Variants in ACACA observed in about 807,000 individuals in gnomAD.
ACACA encodes the protein acetyl-CoA carboxylase 1.
Under a neutral mutation model 296.1 loss-of-function variants are expected in ACACA, and 103 were observed. That is an observed-to-expected ratio of 0.35 (90% CI 0.30 to 0.41). The LOEUF is 0.41. Ranked by LOEUF, ACACA falls within the 10% of genes least tolerant of loss-of-function variation. ACACA has a pLI of 1.00. For synonymous variants in ACACA, 953 were observed against 1,038.6 expected, an observed-to-expected ratio of 0.92 and a Z score of 1.58; for missense variants, 1,554 against 2,989.7, an observed-to-expected ratio of 0.52 and a Z score of 11.20.
intron 40 of ACACA, among the ~76,000 whole-genome samples, chr17:37,180,482 A>AT (rs906605928): frequency 1.3e-5 from 2 of 152,298 alleles, no homozygotes; most frequent in Admixed American, 6.5e-5. Context: ...ATATTCATAG[A>AT]TTTTTTTAAA....
chr17:37,140,956 T>C, intron 45 of ACACA: 1 of 349,714 alleles, frequency 2.9e-6, no homozygotes, highest in Non-Finnish European at 5.5e-6. Flanking sequence ...AGGAATGGTG[T>C]GGGCCTTCTT....
At chr17:37,285,431 ACAACTC>A (rs1429121413) in intron 3 of ACACA, among the ~76,000 whole-genome samples, 4 of 152,170 alleles carry the variant, frequency 2.6e-5, no homozygotes, top group Middle Eastern at 3.2e-3. Context: ...TTCAAAATCA[ACAACTC>A]CAAAACAAAA....
chr17:37,098,908 A>T (rs1035886527), intron 52 of ACACA, among the ~76,000 whole-genome samples: 5 of 152,218 alleles, frequency 3.3e-5, no homozygotes, highest in African/African-American at 1.2e-4. Flanking sequence ...TCAGAATGGG[A>T]TCTGCAATCA....
At chr17:37,377,698 TAAATA>T (rs2050065535) in intron 1 of ACACA, among the ~76,000 whole-genome samples, 1 of 139,354 alleles carries the variant, frequency 7.2e-6, no homozygotes. Context: ...AATAAATAAA[TAAATA>T]AAAGTAAAGT....
intron 33 of ACACA, among the ~76,000 whole-genome samples, chr17:37,204,142 G>A (rs73287985): frequency 0.025 from 3,772 of 152,284 alleles, 158 homozygotes; most frequent in African/African-American, 0.086. Flanking sequence ...AGAAGTCCAT[G>A]GGCTAAGTGC....
chr17:37,310,437 G>A (rs1449662015), intron 3 of ACACA, among the ~76,000 whole-genome samples: 1 of 152,116 alleles, frequency 6.6e-6, no homozygotes, highest in Non-Finnish European at 1.5e-5. Flanking sequence ...ATAGGTCTGG[G>A]ATGGATATTA....
At position 37,270,845 on chromosome 17, in the gene ACACA, C is replaced by G. The variant is rs1207451640; in HGVS notation, c.1025G>C (p.Gly342Ala). The G allele has an allele frequency of 6.2e-7, 1 of 1,613,416 alleles. No individual in the cohort carries two copies. The highest frequency in any genetic ancestry group is 1.7e-5 in the Admixed American group (1 of 59,966). ...DDGLQAAEEV[G>A]YPVMIKASEG... Reference sequence around the variant, plus strand: ...TGAGGCCTTGATCATTACTGGATATCCAACTTCCTCAGCTGCCTTCAAAAA... The same window carrying G: ...TGAGGCCTTGATCATTACTGGATATGCAACTTCCTCAGCTGCCTTCAAAAA... The change falls in exon 10 of 56, where the codon GGA (glycine) becomes GCA (alanine). Residue 342 changes from glycine to alanine, a missense_variant. Physicochemically the swap from Gly to Ala is moderately conservative, Grantham distance 60. This residue lies in a region of ACACA where 82 missense variants were observed against 185.2 expected (regional missense o/e 0.44). Coordinates refer to ENST00000616317, the MANE Select transcript of ACACA (RefSeq NM_198834.3).
intron 1 of ACACA, among the ~76,000 whole-genome samples, chr17:37,358,019 C>A (rs2049221523): frequency 6.6e-6 from 1 of 152,126 alleles, no homozygotes; most frequent in Non-Finnish European, 1.5e-5. Context: ...TTTATCCACA[C>A]ATTAGGAAAT....
chr17:37,242,401 G>A lies in ACACA; in HGVS notation c.2932-348C>T, dbSNP rs114756357. Among the ~76,000 whole-genome samples the A allele has an allele frequency of 8.2e-3, 1,255 of 152,224 alleles. 13 individuals carry two copies. The highest frequency in any genetic ancestry group is 0.029 in the African/African-American group (1,200 of 41,524). ...TGCTTTATGGGTAAAGAGTAAAGAT[G>A]CTGCCAAGGTAGTAAGAATGTCTCT... On this transcript the variant is annotated intron_variant, in intron 22 of 55. Coordinates refer to ENST00000616317, the MANE Select transcript of ACACA (RefSeq NM_198834.3).
At chr17:37,231,147 G>A (rs2079840495) in intron 25 of ACACA, among the ~76,000 whole-genome samples, 1 of 151,984 alleles carries the variant, frequency 6.6e-6, no homozygotes, top group Non-Finnish European at 1.5e-5. Flanking sequence ...GCCAAGATGG[G>A]AGGCCGAGAC....
At chr17:37,200,583 T>C in intron 33 of ACACA, 100 bp from the exon 34 acceptor site, 1 of 1,090,398 alleles carries the variant, frequency 9.2e-7, no homozygotes. Context: ...GAGTTAAACA[T>C]CCTTTTTGGA....
chr17:37,238,689 T>C (rs58887021), intron 24 of ACACA, among the ~76,000 whole-genome samples: 4,679 of 152,328 alleles, frequency 0.031, 185 homozygotes, highest in African/African-American at 0.092. Context: ...TACATTCCAA[T>C]TTAAGACCTT....
intron 1 of ACACA, chr17:37,386,166 T>C: frequency 7.6e-7 from 1 of 1,310,616 alleles, no homozygotes; most frequent in Non-Finnish European, 1.1e-6. Context: ...ACAGAATAAG[T>C]AGGAGTAAAA....
intron 1 of ACACA, among the ~76,000 whole-genome samples, chr17:37,344,840 C>T (rs1275255416): frequency 6.6e-6 from 1 of 152,044 alleles, no homozygotes; most frequent in African/African-American, 2.4e-5. Flanking sequence ...AAATTGTTTC[C>T]GAAGCTTCAG....
intron 1 of ACACA, among the ~76,000 whole-genome samples, chr17:37,390,085 A>G (rs2050726232): frequency 7.7e-6 from 1 of 130,544 alleles, no homozygotes; most frequent in Non-Finnish European, 1.6e-5. Context: ...AGAGTCCAGG[A>G]GTTTGAGACC....
At chr17:37,318,520 C>T (rs1241873298) in intron 3 of ACACA, among the ~76,000 whole-genome samples, 5 of 152,170 alleles carry the variant, frequency 3.3e-5, no homozygotes, top group Non-Finnish European at 7.4e-5. Flanking sequence ...GGATTACAGG[C>T]GTGAGCCACC....
intron 41 of ACACA, among the ~76,000 whole-genome samples, chr17:37,169,668 T>G (rs1329701230): frequency 6.6e-6 from 1 of 152,192 alleles, no homozygotes; most frequent in Non-Finnish European, 1.5e-5. Context: ...ATACACAGTG[T>G]GACAATGTGA....
intron 52 of ACACA, among the ~76,000 whole-genome samples, chr17:37,107,846 AG>A (rs1567668503): frequency 6.6e-6 from 1 of 152,176 alleles, no homozygotes; most frequent in East Asian, 1.9e-4. Context: ...ACACAAGAGG[AG>A]GGGAAGGATC....
At chr17:37,280,054 T>C (rs972666240) in intron 5 of ACACA, among the ~76,000 whole-genome samples, 10 of 152,130 alleles carry the variant, frequency 6.6e-5, no homozygotes, top group Middle Eastern at 3.2e-3. Flanking sequence ...AATAAAACTA[T>C]TGGGTCAAAA....
Sources: gnomAD v4.1 joint callset for allele counts (sites outside exome capture counted in the v4.1 genomes callset) on GRCh38, gnomAD v4.1.1 for gene constraint, gnomAD v4.1.1 regional missense constraint, MANE v1.5 for transcripts, NCBI Gene and HGNC (gene_info 2026-07-23, HGNC 2026-07-21) for gene names.